The following CCDC91 variants were observed in gnomAD, a reference collection of about 807,000 sequenced individuals.
CCDC91 encodes coiled-coil domain containing 91.
CCDC91 carries 48 observed loss-of-function variants against 63.2 expected under a neutral mutation model. The ratio of observed to expected loss-of-function variants is 0.76; its 90% CI spans 0.60 to 0.97. CCDC91 has a LOEUF of 0.97. CCDC91 is among the 50% of genes least tolerant of loss of function. CCDC91 has a pLI of 0.00. For missense variants in CCDC91, 500 were observed against 494.6 expected, an observed-to-expected ratio of 1.01 and a Z score of -0.10; for synonymous variants, 167 against 165.8, an observed-to-expected ratio of 1.01 and a Z score of -0.06.
chr12:28,363,821 G>A (rs1327646293), intron 7 of CCDC91, among the ~76,000 whole-genome samples: 1 of 144,912 alleles, frequency 6.9e-6, no homozygotes, highest in Admixed American at 7.0e-5. Context: ...AGCTTGCAGT[G>A]AGCCGAGATT....
At chr12:28,341,742 G>A (rs529361219) in intron 6 of CCDC91, among the ~76,000 whole-genome samples, 1 of 152,166 alleles carries the variant, frequency 6.6e-6, no homozygotes, top group African/African-American at 2.4e-5. Context: ...TCCACATGTT[G>A]AGAGATGTGG....
chr12:28,244,265 C>A (rs903165283), intron 1 of CCDC91, among the ~76,000 whole-genome samples: 3 of 151,738 alleles, frequency 2.0e-5, no homozygotes, highest in Non-Finnish European at 4.4e-5. Context: ...CATCTCTAAA[C>A]TGTCAAGAAA....
chr12:28,490,190 A>G (rs779765420), intron 12 of CCDC91, among the ~76,000 whole-genome samples: 15 of 151,864 alleles, frequency 9.9e-5, no homozygotes, highest in East Asian at 5.8e-4. Flanking sequence ...CTTCTATCCA[A>G]TCTGGAGGAG....
chr12:28,500,303 T>C (rs1309283104), intron 12 of CCDC91, among the ~76,000 whole-genome samples: 3 of 151,856 alleles, frequency 2.0e-5, no homozygotes, highest in South Asian at 2.1e-4. Flanking sequence ...TGCCTGTTCA[T>C]TCTGATGATA....
chr12:28,271,791 AT>A (rs1947781009), intron 3 of CCDC91, among the ~76,000 whole-genome samples: 1 of 151,436 alleles, frequency 6.6e-6, no homozygotes, highest in African/African-American at 2.4e-5. Context: ...TTTGAAATTT[AT>A]TAATTTATTC....
chr12:28,478,139 A>G (rs1242712703), intron 11 of CCDC91, among the ~76,000 whole-genome samples: 3 of 152,202 alleles, frequency 2.0e-5, no homozygotes, highest in Non-Finnish European at 4.4e-5. Flanking sequence ...ACCAAAAAAG[A>G]GCCCGCATTG....
At chr12:28,213,777 A>G (rs557048418) in intron 1 of CCDC91, among the ~76,000 whole-genome samples, 4 of 152,312 alleles carry the variant, frequency 2.6e-5, no homozygotes, top group Admixed American at 2.0e-4. Flanking sequence ...CAGTGGGCCC[A>G]TGTTCATGGA....
intron 8 of CCDC91, among the ~76,000 whole-genome samples, chr12:28,440,088 T>G (rs1436786337): frequency 1.3e-5 from 2 of 152,178 alleles, no homozygotes; most frequent in African/African-American, 4.8e-5. Flanking sequence ...CTGGTATAGA[T>G]TTCAGTTAAT....
intron 8 of CCDC91, among the ~76,000 whole-genome samples, chr12:28,412,126 C>T: frequency 6.6e-6 from 1 of 152,158 alleles, no homozygotes; most frequent in East Asian, 1.9e-4. Flanking sequence ...CAATAGATTA[C>T]ACCATACATT....
intron 7 of CCDC91, among the ~76,000 whole-genome samples, chr12:28,388,683 C>T (rs1326039413): frequency 6.6e-6 from 1 of 152,128 alleles, no homozygotes; most frequent in East Asian, 1.9e-4. Flanking sequence ...ATACTGCCAA[C>T]AGCAGCCTAC....
intron 1 of CCDC91, among the ~76,000 whole-genome samples, chr12:28,247,750 T>G (rs1945850322): frequency 6.6e-6 from 1 of 152,154 alleles, no homozygotes; most frequent in Non-Finnish European, 1.5e-5. Flanking sequence ...GTCCCGAACC[T>G]TGTTGGCACC....
rs750083793 is a variant in CCDC91 at position 28,307,755 on chromosome 12, G to T, written c.576+6G>T. 1 of 1,438,544 alleles carries T rather than the reference G, an allele frequency of 7.0e-7. No individual in the cohort carries two copies. Among genetic ancestry groups the T allele is most frequent in the Non-Finnish European group, 9.6e-7 (1 of 1,036,386 alleles). The allele number at this position is 1,438,544 out of a possible 1,614,324, so 89.1% of individuals were successfully genotyped here. A position where few individuals can be genotyped will look rare whatever the true frequency, so the allele number is the denominator to read the frequency against. On this transcript the variant is annotated splice_donor_region_variant and intron_variant, in intron 6 of 12. Coordinates refer to ENST00000536442, the MANE Select transcript of CCDC91 (RefSeq NM_018318.5). ...ATAGATACAAAGAACTTCAGGTAAG[G>T]CGATTGAACTTAAGATTTAAAATGT...
At chr12:28,247,643 G>A (rs1326604535) in intron 1 of CCDC91, among the ~76,000 whole-genome samples, 1 of 152,148 alleles carries the variant, frequency 6.6e-6, no homozygotes, top group Non-Finnish European at 1.5e-5. Context: ...GGAGTTTGAT[G>A]CTATAAACTA....
intron 8 of CCDC91, among the ~76,000 whole-genome samples, chr12:28,415,965 A>ATG: frequency 1.5e-5 from 1 of 66,398 alleles, no homozygotes. Context: ...GCACTGAGGA[A>ATG]TGTGTTTTTT....
intron 6 of CCDC91, among the ~76,000 whole-genome samples, chr12:28,345,557 A>G (rs1385159971): frequency 6.6e-6 from 1 of 152,092 alleles, no homozygotes; most frequent in African/African-American, 2.4e-5. Flanking sequence ...AGCACAGGTA[A>G]TGTCTCAATT....
At chr12:28,377,598 T>C (rs2138989819) in intron 7 of CCDC91, among the ~76,000 whole-genome samples, 1 of 152,056 alleles carries the variant, frequency 6.6e-6, no homozygotes, top group Non-Finnish European at 1.5e-5. Context: ...TACTTATTAT[T>C]ACATTCATTT....
At chr12:28,547,331 TGTATCTTTTAGATTAG>T (rs1383903572) in intron 12 of CCDC91, among the ~76,000 whole-genome samples, 5 of 152,120 alleles carry the variant, frequency 3.3e-5, no homozygotes, top group Non-Finnish European at 7.4e-5. Context: ...TAATCTCCCA[TGTATCTTTTAGATTAG>T]GTTAGCATGC....
In CCDC91 at chr12:28,239,218, A is replaced by G. The variant is rs190337500; in HGVS notation, c.-14-17984A>G. ...TATATATGAGAATACATATTTTTAT[A>G]TGTATGAGAATAGAGGTATATAGTA... is the stretch of plus-strand genomic sequence containing the variant. On this transcript the variant is annotated intron_variant, in intron 1 of 12. Coordinates refer to ENST00000536442, the MANE Select transcript of CCDC91 (RefSeq NM_018318.5). Among the ~76,000 whole-genome samples, 220 of 152,158 alleles carry G rather than the reference A, an allele frequency of 1.4e-3. 3 individuals are homozygous for G. Among genetic ancestry groups the G allele is most frequent in the Non-Finnish European group, 2.8e-3 (190 of 68,004 alleles).
intron 8 of CCDC91, among the ~76,000 whole-genome samples, chr12:28,435,477 A>G (rs1430910956): frequency 6.6e-6 from 1 of 151,702 alleles, no homozygotes; most frequent in African/African-American, 2.4e-5. Flanking sequence ...GAGAGTGAGT[A>G]TTCTGTGATT....
Sources: allele counts gnomAD v4.1 joint callset (sites outside exome capture counted in the v4.1 genomes callset), GRCh38; gene constraint gnomAD v4.1.1; transcripts MANE v1.5; gene names NCBI Gene and HGNC (gene_info 2026-07-23, HGNC 2026-07-21).